SCUBE1: variants seen among roughly 807,000 people sequenced by gnomAD.
SCUBE1 encodes signal peptide, CUB and EGF-like domain-containing protein 1.
A neutral mutation model predicts 124.4 loss-of-function variants in SCUBE1; 59 were observed. The ratio of observed to expected loss-of-function variants is 0.47; its 90% CI spans 0.38 to 0.59. The LOEUF (loss-of-function observed/expected upper bound fraction) is 0.59, where lower values mean the gene tolerates loss of function less well. Ranked by LOEUF, SCUBE1 falls within the 20% of genes least tolerant of loss-of-function variation. SCUBE1 has a pLI of 0.00. For synonymous variants in SCUBE1, 545 were observed against 550.9 expected, an observed-to-expected ratio of 0.99 and a Z score of 0.15; for missense variants, 1,150 against 1,371.2, an observed-to-expected ratio of 0.84 and a Z score of 2.55.
intron 21 of SCUBE1, among the ~76,000 whole-genome samples, chr22:43,206,983 C>T (rs1187188603): frequency 6.6e-6 from 1 of 152,142 alleles, no homozygotes. Flanking sequence ...CGTTCCAGCC[C>T]TGCCCTTGTC....
chr22:43,335,096 A>C (rs1409817087), intron 2 of SCUBE1, among the ~76,000 whole-genome samples: 1 of 152,176 alleles, frequency 6.6e-6, no homozygotes, highest in African/African-American at 2.4e-5. Context: ...GTCCCCACCC[A>C]GGAAAGACCC....
intron 2 of SCUBE1, among the ~76,000 whole-genome samples, chr22:43,323,752 C>T (rs888508488): frequency 1.3e-5 from 2 of 152,154 alleles, no homozygotes; most frequent in Non-Finnish European, 2.9e-5. Context: ...CCTACCCATT[C>T]ATCCATCCAA....
rs1922578939 is a variant in SCUBE1 at position 43,232,078 on chromosome 22, CT to C, written c.845-204del. On this transcript the variant is annotated intron_variant, in intron 7 of 21. Transcript: ENST00000360835. The stretch of plus-strand genomic sequence containing the variant: ...GGGTCAGGGTCGGGGCTGGGTTGTA[CT>C]GGGAAGGGCCAGCTCCCCAAGCTTC... 7 of 588,512 alleles carry C rather than the reference CT, an allele frequency of 1.2e-5. No homozygotes were observed. The East Asian group carries it at 2.0e-4, about 17-fold the overall frequency. The allele number at this position is 588,512 out of a possible 1,614,324, so 36.5% of individuals were successfully genotyped here.
chr22:43,311,914 C>T (rs537331241), intron 3 of SCUBE1, among the ~76,000 whole-genome samples: 9 of 152,264 alleles, frequency 5.9e-5, no homozygotes, highest in Middle Eastern at 3.4e-3. Flanking sequence ...GCCTATCAGA[C>T]GACACTTAGG....
At position 43,292,280 on chromosome 22, in the gene SCUBE1, G is replaced by C. The variant is rs146790640; in HGVS notation, c.350-1100C>G. ...GTGGTCTTTCCCACTCTCGGGGAGA[G>C]GCAGACCTCAGGGCCGACACTCATT... On this transcript the variant is annotated intron_variant, in intron 3 of 21. Coordinates refer to ENST00000360835, the MANE Select transcript of SCUBE1 (RefSeq NM_173050.5). 6.3e-3 allele frequency among the ~76,000 whole-genome samples: 963 copies of C among 152,242 alleles called. 7 individuals carry two copies. The highest frequency in any genetic ancestry group is 0.022 in the African/African-American group (909 of 41,532).
At chr22:43,262,470 C>T (rs1014243088) in intron 5 of SCUBE1, among the ~76,000 whole-genome samples, 2 of 152,208 alleles carry the variant, frequency 1.3e-5, no homozygotes, top group Admixed American at 6.5e-5. Flanking sequence ...CAGGGGCTGC[C>T]ATAAGATCCA....
Position 43,292,087 on chromosome 22 carries a change from G to T in SCUBE1, c.350-907C>A, listed in dbSNP as rs565435724. ...CCCACGAGCCCCGTCTCTTGACTCAGCTCAGGTTTACCATCAGCAGCACAA... is the reference window on the plus strand; with the variant it reads ...CCCACGAGCCCCGTCTCTTGACTCATCTCAGGTTTACCATCAGCAGCACAA... On this transcript the variant is annotated intron_variant, in intron 3 of 21. Coordinates refer to ENST00000360835, the MANE Select transcript of SCUBE1 (RefSeq NM_173050.5). 5.9e-5 allele frequency among the ~76,000 whole-genome samples: 9 copies of T among 152,282 alleles called. No individual in the cohort carries two copies. In the South Asian group the frequency reaches 1.9e-3, roughly 32 times the overall value.
intron 21 of SCUBE1, among the ~76,000 whole-genome samples, chr22:43,204,647 A>C (rs529175515): frequency 6.6e-6 from 1 of 151,902 alleles, no homozygotes; most frequent in Non-Finnish European, 1.5e-5. Context: ...TGGGATTCCA[A>C]TAAGATTTTA....
At chr22:43,231,926 T>A (rs1445295446) in intron 7 of SCUBE1, 51 bp from the exon 8 acceptor site, 1 of 1,598,634 alleles carries the variant, frequency 6.3e-7, no homozygotes, top group South Asian at 1.1e-5. Flanking sequence ...AATCAGCTTG[T>A]GTGACCAGCG....
intron 4 of SCUBE1, among the ~76,000 whole-genome samples, chr22:43,290,134 G>C (rs1925301928): frequency 1.3e-5 from 2 of 152,200 alleles, no homozygotes; most frequent in African/African-American, 4.8e-5. Flanking sequence ...ACACAGCCCT[G>C]CCTCAGATGC....
intron 2 of SCUBE1, among the ~76,000 whole-genome samples, chr22:43,331,324 CA>C (rs1926897085): frequency 6.6e-6 from 1 of 151,980 alleles, no homozygotes; most frequent in African/African-American, 2.4e-5. Context: ...CCTTTTCACA[CA>C]AAAAGAGGAA....
chr22:43,255,692 G>T lies in SCUBE1; in HGVS notation c.727+2527C>A. On this transcript the variant is annotated intron_variant, in intron 6 of 21. Coordinates refer to ENST00000360835, the MANE Select transcript of SCUBE1 (RefSeq NM_173050.5). The surrounding 1 kb of genome is among the most constrained non-coding windows in gnomAD (Gnocchi z 4.7). ...GCACGCAAAGCCAACACAACACGCC[G>T]GCCAGCTCGGCATCCTCGCCAAGGG... is the stretch of plus-strand genomic sequence containing the variant. 1.2e-6 allele frequency: 1 copy of T among 855,158 alleles called. No individual in the cohort carries two copies. Among genetic ancestry groups the T allele is most frequent in the Non-Finnish European group, 1.9e-6 (1 of 532,996 alleles). 53.0% of individuals were successfully genotyped at this position (855,158 alleles called of 1,614,324 possible).
chr22:43,296,906 C>G (rs1925582874), intron 3 of SCUBE1, among the ~76,000 whole-genome samples: 1 of 152,224 alleles, frequency 6.6e-6, no homozygotes, highest in African/African-American at 2.4e-5. Flanking sequence ...GGACAAAAGA[C>G]AGGGAGCCTG....
chr22:43,246,747 G>T (rs1923229064), intron 6 of SCUBE1, among the ~76,000 whole-genome samples: 2 of 152,260 alleles, frequency 1.3e-5, no homozygotes, highest in South Asian at 4.1e-4. Context: ...CCCCGGAGAT[G>T]TGGCTGAGGA....
At chr22:43,249,577 A>C (rs1448710736) in intron 6 of SCUBE1, among the ~76,000 whole-genome samples, 1 of 151,974 alleles carries the variant, frequency 6.6e-6, no homozygotes, top group Non-Finnish European at 1.5e-5. Flanking sequence ...GCAGCCCCTT[A>C]CCAAGCTCTG....
At chr22:43,247,379 T>C (rs1196093831) in intron 6 of SCUBE1, among the ~76,000 whole-genome samples, 1 of 152,204 alleles carries the variant, frequency 6.6e-6, no homozygotes, top group Non-Finnish European at 1.5e-5. Flanking sequence ...GGTCTGACTC[T>C]AGAATCTGGC....
At chr22:43,342,123 A>G (rs1927336895) in intron 1 of SCUBE1, among the ~76,000 whole-genome samples, 1 of 151,932 alleles carries the variant, frequency 6.6e-6, no homozygotes, top group Non-Finnish European at 1.5e-5. Context: ...GCCGGGAAGG[A>G]CGTGCAGGAC....
chr22:43,281,518 ACCC>A (rs1219940656), intron 4 of SCUBE1, among the ~76,000 whole-genome samples: 4 of 50,852 alleles, frequency 7.9e-5, no homozygotes, highest in South Asian at 7.8e-4. Context: ...CTCCTCAGCC[ACCC>A]TCCTGTCACC....
chr22:43,313,386 G>A (rs913258674), intron 3 of SCUBE1, among the ~76,000 whole-genome samples: 29 of 152,312 alleles, frequency 1.9e-4, no homozygotes, highest in Admixed American at 1.6e-3. Flanking sequence ...GTAAAGATCG[G>A]GGTCGAAGAA....
Sources: allele counts gnomAD v4.1 joint callset (sites outside exome capture counted in the v4.1 genomes callset), GRCh38; gene constraint gnomAD v4.1.1; non-coding constraint Gnocchi (gnomAD v3.1); transcripts MANE v1.5; gene names NCBI Gene and HGNC (gene_info 2026-07-23, HGNC 2026-07-21).